DEPTOR: variants seen among roughly 807,000 people sequenced by gnomAD.
DEPTOR encodes DEP domain-containing mTOR-interacting protein.
A neutral mutation model predicts 41.6 loss-of-function variants in DEPTOR; 41 were observed. The ratio of observed to expected loss-of-function variants is 0.98; its 90% CI spans 0.77 to 1.28. The LOEUF (loss-of-function observed/expected upper bound fraction) is 1.28, where lower values mean the gene tolerates loss of function less well. Ranked by LOEUF, DEPTOR falls within the 50% of genes most tolerant of loss-of-function variation. The probability of loss-of-function intolerance (pLI) is 0.00; values close to 1 mark genes in which losing one functional copy is unlikely to be tolerated. For missense variants in DEPTOR, 514 were observed against 527.9 expected, an observed-to-expected ratio of 0.97 and a Z score of 0.26; for synonymous variants, 195 against 192.3, an observed-to-expected ratio of 1.01 and a Z score of -0.12.
chr8:119,977,346 C>T (rs937644236), intron 4 of DEPTOR, among the ~76,000 whole-genome samples: 3 of 151,852 alleles, frequency 2.0e-5, no homozygotes, highest in Admixed American at 2.0e-4. Flanking sequence ...GCATTTGCAA[C>T]TGGTATAATC....
At chr8:119,967,402 ACAGTTAAC>A (rs1828576399) in intron 4 of DEPTOR, among the ~76,000 whole-genome samples, 1 of 151,762 alleles carries the variant, frequency 6.6e-6, no homozygotes, top group Non-Finnish European at 1.5e-5. Context: ...CTTATGACCT[ACAGTTAAC>A]CAACGTAGGT....
chr8:120,002,791 A>AAAAAAAATATATATATAT, intron 5 of DEPTOR, among the ~76,000 whole-genome samples, 186 bp from the exon 6 acceptor site: 22 of 60,664 alleles, frequency 3.6e-4, no homozygotes, highest in African/African-American at 1.4e-3. Context: ...AAAAAAAAAA[A>AAAAAAAATATATATATAT]ATATATATAT....
chr8:119,925,198 T>G (rs760006864), intron 1 of DEPTOR, among the ~76,000 whole-genome samples: 7 of 152,098 alleles, frequency 4.6e-5, no homozygotes, highest in African/African-American at 7.2e-5. Context: ...CAGACCAGCC[T>G]GGCCAACATG....
At chr8:120,025,108 T>C (rs1246647241) in intron 8 of DEPTOR, among the ~76,000 whole-genome samples, 1 of 152,238 alleles carries the variant, frequency 6.6e-6, no homozygotes, top group Non-Finnish European at 1.5e-5. Flanking sequence ...CAGATATTAA[T>C]GACATGCAAA....
chr8:119,928,543 T>G lies in DEPTOR; in HGVS notation c.266T>G (p.Met89Arg). The G allele has an allele frequency of 6.2e-7, 1 of 1,614,162 alleles. No homozygotes were observed. The highest frequency in any genetic ancestry group is 8.5e-7 in the Non-Finnish European group (1 of 1,180,000). ...ASDRETAIKL[M>R]QKLADRGIIH... Reference sequence around the variant, plus strand: ...GACAGAGAGACGGCAATTAAACTCATGCAGAAATTAGCAGACCGGGGCATT... The same window carrying G: ...GACAGAGAGACGGCAATTAAACTCAGGCAGAAATTAGCAGACCGGGGCATT... Residue 89 changes from methionine to arginine, a missense_variant, in exon 2 of 9, where the codon ATG becomes AGG. Physicochemically the swap from Met to Arg is moderately conservative, Grantham distance 91 (BLOSUM62 -1). Transcript: ENST00000286234.
chr8:120,005,277 A>G (rs1030841025), intron 6 of DEPTOR, among the ~76,000 whole-genome samples: 13 of 152,188 alleles, frequency 8.5e-5, no homozygotes, highest in Non-Finnish European at 2.9e-5. Context: ...TTCTGTTTCC[A>G]TCTTGATATT....
intron 1 of DEPTOR, among the ~76,000 whole-genome samples, chr8:119,920,512 A>G (rs771960604): frequency 6.6e-6 from 1 of 152,184 alleles, no homozygotes; most frequent in Non-Finnish European, 1.5e-5. Flanking sequence ...GATAAGTCAA[A>G]TGGTTATGAA....
intron 4 of DEPTOR, among the ~76,000 whole-genome samples, chr8:119,975,363 C>T (rs1487406447): frequency 2.6e-5 from 4 of 152,028 alleles, no homozygotes; most frequent in Admixed American, 6.6e-5. Flanking sequence ...AAATTATTGA[C>T]ACTTGTTAGA....
At chr8:119,928,672 T>G (rs1827999659) in intron 2 of DEPTOR, 94 bp downstream of exon 2, 2 of 1,386,398 alleles carry the variant, frequency 1.4e-6, no homozygotes, top group Non-Finnish European at 1.9e-6. Flanking sequence ...ACATTTTGCT[T>G]TATTTTATCT....
At chr8:119,959,811 G>A (rs1001192149) in intron 3 of DEPTOR, among the ~76,000 whole-genome samples, 1 of 152,090 alleles carries the variant, frequency 6.6e-6, no homozygotes. Flanking sequence ...TTACAGGTGT[G>A]AGCCTCTGTG....
intron 1 of DEPTOR, among the ~76,000 whole-genome samples, chr8:119,918,416 T>A (rs1302336179): frequency 6.6e-6 from 1 of 152,144 alleles, no homozygotes; most frequent in African/African-American, 2.4e-5. Context: ...CCATTGCTAG[T>A]GAAACATTTG....
At chr8:119,961,161 A>G (rs1167903817) in intron 3 of DEPTOR, among the ~76,000 whole-genome samples, 4 of 151,768 alleles carry the variant, frequency 2.6e-5, no homozygotes, top group Non-Finnish European at 5.9e-5. Context: ...TCACGTCTGT[A>G]ATCCCCGCCC....
At chr8:119,909,752 CCTT>C (rs776975155) in intron 1 of DEPTOR, among the ~76,000 whole-genome samples, 2 of 152,162 alleles carry the variant, frequency 1.3e-5, no homozygotes, top group Non-Finnish European at 2.9e-5. Context: ...CAGAAGTGAA[CCTT>C]CTTCTCATCT....
chr8:119,926,439 C>A (rs1211145069), intron 1 of DEPTOR, among the ~76,000 whole-genome samples: 1 of 152,058 alleles, frequency 6.6e-6, no homozygotes, highest in African/African-American at 2.4e-5. Flanking sequence ...AAAATATATC[C>A]CCCATAAGGT....
rs527472138 is a variant in DEPTOR at position 120,036,360 on chromosome 8, G to A, written c.1102-13216G>A. ...CAATTGCACAGTCTGTTCTTTGGGGGCACCGCATAGCCCTATAGCATGCTT... is the reference window on the plus strand; with the variant it reads ...CAATTGCACAGTCTGTTCTTTGGGGACACCGCATAGCCCTATAGCATGCTT... On this transcript the variant is annotated intron_variant, in intron 8 of 8. Transcript: ENST00000286234. Among the ~76,000 whole-genome samples, 5 of 152,238 alleles carry A rather than the reference G, an allele frequency of 3.3e-5. No individual in the cohort carries two copies. The South Asian group carries it at 8.3e-4, about 25-fold the overall frequency.
At chr8:119,927,211 A>G (rs947588729) in intron 1 of DEPTOR, among the ~76,000 whole-genome samples, 3 of 152,172 alleles carry the variant, frequency 2.0e-5, no homozygotes, top group African/African-American at 7.2e-5. Context: ...CTGGCCGTTT[A>G]CGTGGTCTCT....
At chr8:119,973,418 G>A (rs962623126) in intron 4 of DEPTOR, among the ~76,000 whole-genome samples, 5 of 152,102 alleles carry the variant, frequency 3.3e-5, no homozygotes, top group Non-Finnish European at 1.5e-5. Flanking sequence ...ATTTTTCATA[G>A]AGACGGGGGT....
chr8:119,929,164 G>T (rs1387000847), intron 2 of DEPTOR, among the ~76,000 whole-genome samples: 1 of 152,050 alleles, frequency 6.6e-6, no homozygotes, highest in Non-Finnish European at 1.5e-5. Flanking sequence ...TACTCTCAGT[G>T]GGTTCAATGA....
chr8:120,029,697 A>G (rs1812856777), intron 8 of DEPTOR, among the ~76,000 whole-genome samples: 1 of 152,066 alleles, frequency 6.6e-6, no homozygotes, highest in Non-Finnish European at 1.5e-5. Context: ...CACCCAGCCA[A>G]GTTTTAAAAT....
Sources: allele counts gnomAD v4.1 joint callset (sites outside exome capture counted in the v4.1 genomes callset), GRCh38; gene constraint gnomAD v4.1.1; transcripts MANE v1.5; gene names NCBI Gene and HGNC (gene_info 2026-07-23, HGNC 2026-07-21).